Variants in TIA1 observed in about 807,000 individuals in gnomAD.
TIA1 encodes TIA1 cytotoxic granule associated RNA binding protein, also known as cytotoxic granule associated RNA binding protein TIA1.
TIA1 carries 23 observed loss-of-function variants against 65.9 expected under a neutral mutation model. That is an observed-to-expected ratio of 0.35 (90% confidence interval 0.25 to 0.49). TIA1 has a LOEUF of 0.49. TIA1 is among the 20% of genes least tolerant of loss of function. The pLI, the probability that TIA1 is intolerant of heterozygous loss-of-function variation, is 0.98. For missense variants in TIA1, 371 were observed against 477.9 expected (o/e 0.78, Z 2.09); for synonymous variants, 147 against 149.4 (o/e 0.98, Z 0.12).
At chr2:70,232,521 C>T (rs1327454823) in intron 2 of TIA1, among the ~76,000 whole-genome samples, 1 of 76,660 alleles carries the variant, frequency 1.3e-5, no homozygotes, top group African/African-American at 5.2e-5. Flanking sequence ...GCCTGGGCAA[C>T]AAGAGTGAAA....
At chr2:70,248,107 T>A (rs1045847131) in intron 1 of TIA1, among the ~76,000 whole-genome samples, 4 of 151,732 alleles carry the variant, frequency 2.6e-5, no homozygotes, top group African/African-American at 9.7e-5. Context: ...TAAAAAGAGG[T>A]CTGAATTAAA....
In TIA1 at chr2:70,238,264, T is replaced by G. The variant is rs79908629; in HGVS notation, c.27-2089A>C. On this transcript the variant is annotated intron_variant, in intron 1 of 12. Transcript: ENST00000433529. ...AGAACATTGACGTTCCCCCAAGTTT[T>G]TTTTTTTTTTTTTTTTTTTTTTTGT... is the stretch of plus-strand genomic sequence containing the variant. Among the ~76,000 whole-genome samples the G allele has an allele frequency of 3.4e-3, 426 of 124,326 alleles. 3 individuals are homozygous for G. Among genetic ancestry groups the G allele is most frequent in the African/African-American group, 0.013 (403 of 30,874 alleles). 81.6% of individuals were successfully genotyped at this position (124,326 alleles called of 152,430 possible).
At position 70,212,716 on chromosome 2, in the gene TIA1, T is replaced by C. The variant is rs1676788706; in HGVS notation, c.*3A>G. The C allele has an allele frequency of 3.1e-6, 5 of 1,587,428 alleles. No homozygotes were observed. Among genetic ancestry groups the C allele is most frequent in the Non-Finnish European group, 4.3e-6 (5 of 1,155,862 alleles). On this transcript the variant is annotated 3_prime_UTR_variant, in exon 13 of 13. Transcript: ENST00000433529. The stretch of plus-strand genomic sequence containing the variant: ...CACTGGCTTTAGATTCTGGAGTCCT[T>C]ATTCACTGGGTTTCATACCCTGCCA...
chr2:70,216,580 G>A, intron 8 of TIA1, 81 bp from the exon 9 acceptor site: 1 of 1,391,164 alleles, frequency 7.2e-7, no homozygotes, highest in Non-Finnish European at 1.0e-6. Context: ...CTACACTACT[G>A]TAAAGGTAAC....
chr2:70,225,490 C>T, intron 6 of TIA1: 1 of 1,213,476 alleles, frequency 8.2e-7, no homozygotes, highest in Non-Finnish European at 1.1e-6. Flanking sequence ...TCAAATTGTG[C>T]TTCACAGGCA....
chr2:70,218,676 G>A (rs1035133747), intron 7 of TIA1, among the ~76,000 whole-genome samples: 4 of 152,136 alleles, frequency 2.6e-5, no homozygotes, highest in African/African-American at 7.2e-5. Context: ...CTCGTGATCC[G>A]CCTGCCTTGG....
chr2:70,210,550 G>A lies in TIA1; in HGVS notation c.*2169C>T, dbSNP rs1676229375. 1 of 152,122 alleles carries A rather than the reference G, an allele frequency of 6.6e-6. No individual in the cohort carries two copies. The highest frequency in any genetic ancestry group is 1.5e-5 in the Non-Finnish European group (1 of 68,014). 9.4% of individuals were successfully genotyped at this position (152,122 alleles called of 1,614,324 possible). On this transcript the variant is annotated 3_prime_UTR_variant, in exon 13 of 13. Transcript: ENST00000433529. ...GTACATTTTAAGATTTGTGCAATAA[G>A]CCAATATGCTGGATAATAAAAACTG...
chr2:70,212,921 ACAAGAACAAATAT>A (rs1676895010), intron 12 of TIA1, 76 bp from the exon 13 acceptor site: 1 of 945,428 alleles, frequency 1.1e-6, no homozygotes, highest in Non-Finnish European at 1.7e-6. Flanking sequence ...AGAACAAACA[ACAAGAACAAATAT>A]GGGAAATGGG....
intron 7 of TIA1, among the ~76,000 whole-genome samples, chr2:70,219,737 G>C (rs973968028): frequency 8.7e-6 from 1 of 114,288 alleles, no homozygotes; most frequent in Non-Finnish European, 1.7e-5. Flanking sequence ...AGGTCGCCAG[G>C]CTTTTTTTTT....
intron 2 of TIA1, among the ~76,000 whole-genome samples, chr2:70,232,206 CT>C (rs1157381870): frequency 1.1e-5 from 1 of 94,054 alleles, no homozygotes; most frequent in Non-Finnish European, 2.2e-5. Context: ...GAGACTCTGT[CT>C]CAAAAAAAAA....
intron 1 of TIA1, among the ~76,000 whole-genome samples, chr2:70,244,422 G>A (rs1573849696): frequency 6.6e-6 from 1 of 152,204 alleles, no homozygotes; most frequent in Non-Finnish European, 1.5e-5. Context: ...GGACAGCCAT[G>A]TAGTATGCTC....
Position 70,211,250 on chromosome 2 carries a change from A to C in TIA1, c.*1469T>G, listed in dbSNP as rs750715081. The C allele has an allele frequency of 3.3e-5, 5 of 152,186 alleles. No homozygotes were observed. The highest frequency in any genetic ancestry group is 7.3e-5 in the Non-Finnish European group (5 of 68,034). 9.4% of individuals were successfully genotyped at this position (152,186 alleles called of 1,614,324 possible). ...CTAAGAGACTCTGAAATATACTAGAAATTTCAAAACTAGAACAATGCCATC... is the reference window on the plus strand; with the variant it reads ...CTAAGAGACTCTGAAATATACTAGACATTTCAAAACTAGAACAATGCCATC... On this transcript the variant is annotated 3_prime_UTR_variant, in exon 13 of 13. Transcript: ENST00000433529.
intron 7 of TIA1, among the ~76,000 whole-genome samples, chr2:70,217,649 G>A (rs893310650): frequency 3.3e-5 from 5 of 151,950 alleles, no homozygotes; most frequent in Non-Finnish European, 7.4e-5. Context: ...CTCCCAACTC[G>A]GCCTCTCAAA....
chr2:70,230,148 CAGG>C, intron 3 of TIA1, among the ~76,000 whole-genome samples: 1 of 149,884 alleles, frequency 6.7e-6, no homozygotes, highest in East Asian at 2.0e-4. Flanking sequence ...GAGGCTGAGG[CAGG>C]AGAATGGCAT....
At chr2:70,225,852 T>C (rs141320291) in intron 6 of TIA1, among the ~76,000 whole-genome samples, 2 of 152,306 alleles carry the variant, frequency 1.3e-5, no homozygotes, top group African/African-American at 4.8e-5. Flanking sequence ...GAAGAGTTTA[T>C]AGGCTGTATA....
At chr2:70,221,594 G>A (rs373172920) in intron 7 of TIA1, among the ~76,000 whole-genome samples, 2 of 152,094 alleles carry the variant, frequency 1.3e-5, no homozygotes. Context: ...GAAATGTTGA[G>A]AACAGGGAAA....
At chr2:70,224,445 T>TAA in intron 7 of TIA1, 109 bp downstream of exon 7, 5 of 1,479,120 alleles carry the variant, frequency 3.4e-6, no homozygotes, top group Non-Finnish European at 4.6e-6. Context: ...GGGTTTATTT[T>TAA]AATCATCAGT....
At chr2:70,242,326 G>T (rs1373418553) in intron 1 of TIA1, among the ~76,000 whole-genome samples, 1 of 151,754 alleles carries the variant, frequency 6.6e-6, no homozygotes, top group African/African-American at 2.4e-5. Flanking sequence ...GAGCTCAGGA[G>T]TTCGAGATCA....
intron 7 of TIA1, among the ~76,000 whole-genome samples, chr2:70,222,056 A>G (rs140446951): frequency 6.6e-6 from 1 of 152,160 alleles, no homozygotes; most frequent in South Asian, 2.1e-4. Flanking sequence ...CTGGGATTAC[A>G]GGTGTGAGCC....
Sources: allele counts gnomAD v4.1 joint callset (sites outside exome capture counted in the v4.1 genomes callset), GRCh38; gene constraint gnomAD v4.1.1; transcripts MANE v1.5; gene names NCBI Gene and HGNC (gene_info 2026-07-23, HGNC 2026-07-21).